The following STRBP variants were observed in gnomAD, a reference collection of about 807,000 sequenced individuals.
STRBP encodes spermatid perinuclear RNA-binding protein.
A neutral mutation model predicts 80.1 loss-of-function variants in STRBP; 13 were observed. The observed-to-expected ratio is 0.16, with a 90% confidence interval of 0.11 to 0.26. The LOEUF is 0.26. Ranked by LOEUF, STRBP falls within the 10% of genes least tolerant of loss-of-function variation. The probability of loss-of-function intolerance (pLI) is 1.00; values close to 1 mark genes in which losing one functional copy is unlikely to be tolerated. For synonymous variants in STRBP, 284 were observed against 291.2 expected (o/e 0.98, Z 0.25); for missense variants, 485 against 815.2 (o/e 0.59, Z 4.93).
intron 6 of STRBP, among the ~76,000 whole-genome samples, chr9:123,165,196 G>A (rs1334331281): frequency 1.3e-5 from 2 of 150,370 alleles, no homozygotes; most frequent in East Asian, 2.0e-4. Flanking sequence ...CAGGAGAATC[G>A]CTTGAACCCG....
At chr9:123,145,407 T>C (rs2132346966) in intron 13 of STRBP, among the ~76,000 whole-genome samples, 1 of 152,322 alleles carries the variant, frequency 6.6e-6, no homozygotes, top group East Asian at 1.9e-4. Context: ...GCCACTCTAC[T>C]AGCTCTCCCA....
chr9:123,263,345 T>C (rs2132658837), intron 1 of STRBP, among the ~76,000 whole-genome samples: 1 of 152,078 alleles, frequency 6.6e-6, no homozygotes, highest in East Asian at 1.9e-4. Context: ...AGCAAGACCT[T>C]GAGACCTGGT....
intron 2 of STRBP, among the ~76,000 whole-genome samples, chr9:123,193,354 C>CT (rs2132489936): frequency 6.6e-6 from 1 of 152,280 alleles, no homozygotes; most frequent in Admixed American, 6.5e-5. Context: ...GTCACCATCT[C>CT]TTCCCATTAT....
At chr9:123,248,690 AC>A (rs2040852016) in intron 1 of STRBP, among the ~76,000 whole-genome samples, 1 of 152,250 alleles carries the variant, frequency 6.6e-6, no homozygotes. Flanking sequence ...TGTAAGCCTA[AC>A]ATAATTATTC....
intron 14 of STRBP, among the ~76,000 whole-genome samples, chr9:123,138,429 C>T (rs2036452191): frequency 6.6e-6 from 1 of 152,216 alleles, no homozygotes; most frequent in Non-Finnish European, 1.5e-5. Flanking sequence ...CCCCATCAAT[C>T]CTGTCCACAC....
intron 2 of STRBP, among the ~76,000 whole-genome samples, chr9:123,190,144 G>C (rs1278762792): frequency 1.3e-5 from 2 of 152,096 alleles, no homozygotes; most frequent in Non-Finnish European, 2.9e-5. Flanking sequence ...GCCAAACGTG[G>C]TGGCACATGC....
chr9:123,182,689 A>G (rs552045364), intron 3 of STRBP, among the ~76,000 whole-genome samples: 8 of 152,256 alleles, frequency 5.3e-5, no homozygotes, highest in East Asian at 1.9e-4. Context: ...TGGCACAAAT[A>G]TTTTTAAAAG....
chr9:123,142,311 C>T (rs770895883), intron 13 of STRBP, among the ~76,000 whole-genome samples: 23 of 152,150 alleles, frequency 1.5e-4, no homozygotes, highest in Non-Finnish European at 2.5e-4. Flanking sequence ...CTTCTCTCTT[C>T]CTCCTGCTCG....
rs1422700929 is a variant in STRBP at position 123,110,952 on chromosome 9, C to A, written c.*85-1199G>T. ...AAATGGGGGTGCGCAGTGAACAGAA[C>A]CTGCTTGTGCAAGGCCGGCCTGACC... is the stretch of plus-strand genomic sequence containing the variant. On this transcript the variant is annotated intron_variant and NMD_transcript_variant, in intron 3 of 3. Coordinates refer to the STRBP transcript ENST00000471564. The surrounding 1 kb of genome is among the most constrained non-coding windows in gnomAD (Gnocchi z 4.1). 1.2e-5 allele frequency: 2 copies of A among 168,642 alleles called. No homozygotes were observed. Among genetic ancestry groups the A allele is most frequent in the Admixed American group, 6.5e-5 (1 of 15,294 alleles). The allele number at this position is 168,642 out of a possible 1,614,324, so 10.4% of individuals were successfully genotyped here. A position where few individuals can be genotyped will look rare whatever the true frequency, so the allele number is the denominator to read the frequency against.
At chr9:123,183,617 C>T (rs1273304147) in intron 3 of STRBP, among the ~76,000 whole-genome samples, 1 of 152,082 alleles carries the variant, frequency 6.6e-6, no homozygotes, top group Admixed American at 6.5e-5. Flanking sequence ...CTGAACTCTT[C>T]CCAAAAAGCA....
intron 2 of STRBP, among the ~76,000 whole-genome samples, chr9:123,227,438 A>C (rs1257399935): frequency 1.3e-5 from 2 of 152,200 alleles, no homozygotes; most frequent in East Asian, 3.9e-4. Flanking sequence ...GTGGTCAGAG[A>C]GGTAACAGGG....
At chr9:123,259,904 G>A (rs1402939802) in intron 1 of STRBP, among the ~76,000 whole-genome samples, 1 of 152,226 alleles carries the variant, frequency 6.6e-6, no homozygotes, top group African/African-American at 2.4e-5. Flanking sequence ...GCCAAACACA[G>A]CTAATAGGTC....
At chr9:123,159,254 A>C in intron 8 of STRBP, 47 bp from the exon 9 acceptor site, 1 of 1,355,650 alleles carries the variant, frequency 7.4e-7, no homozygotes, top group South Asian at 1.2e-5. Flanking sequence ...AAGTGTTAAA[A>C]GGATTCCAGT....
chr9:123,190,935 C>T (rs910585193), intron 2 of STRBP, among the ~76,000 whole-genome samples: 2 of 152,210 alleles, frequency 1.3e-5, no homozygotes, highest in East Asian at 3.9e-4. Flanking sequence ...TTGAAAGAAC[C>T]AAAAATTCAA....
intron 2 of STRBP, among the ~76,000 whole-genome samples, chr9:123,211,898 G>C (rs1471066390): frequency 6.6e-6 from 1 of 151,956 alleles, no homozygotes; most frequent in Non-Finnish European, 1.5e-5. Flanking sequence ...ACTAGAAAGA[G>C]AACAAAAACT....
intron 6 of STRBP, among the ~76,000 whole-genome samples, chr9:123,165,832 C>G (rs933785373): frequency 2.0e-5 from 3 of 151,952 alleles, no homozygotes; most frequent in Non-Finnish European, 4.4e-5. Context: ...AATTAGCTAC[C>G]CCATAGGGCC....
chr9:123,266,068 T>G (rs2041259951), intron 1 of STRBP, among the ~76,000 whole-genome samples: 1 of 152,170 alleles, frequency 6.6e-6, no homozygotes, highest in African/African-American at 2.4e-5. Flanking sequence ...TTTCTTCCTC[T>G]CTTATGCATA....
intron 1 of STRBP, among the ~76,000 whole-genome samples, chr9:123,250,088 T>C (rs1255505191): frequency 4.6e-5 from 7 of 152,262 alleles, no homozygotes; most frequent in Non-Finnish European, 8.8e-5. Context: ...TTTCAGATTC[T>C]ATCAGGATAC....
At chr9:123,209,369 T>C (rs2039632134) in intron 2 of STRBP, among the ~76,000 whole-genome samples, 2 of 152,230 alleles carry the variant, frequency 1.3e-5, no homozygotes, top group African/African-American at 4.8e-5. Flanking sequence ...CTTGACTTTA[T>C]GTCTTCAAGG....
Sources: gnomAD v4.1 joint callset for allele counts (sites outside exome capture counted in the v4.1 genomes callset) on GRCh38, gnomAD v4.1.1 for gene constraint, Gnocchi (gnomAD v3.1) non-coding constraint, MANE v1.5 for transcripts, NCBI Gene and HGNC (gene_info 2026-07-23, HGNC 2026-07-21) for gene names.